Variants in OPCML observed in about 807,000 individuals in gnomAD.
OPCML encodes opioid binding protein/cell adhesion molecule like.
A neutral mutation model predicts 37.8 loss-of-function variants in OPCML; 13 were observed. That is an observed-to-expected ratio of 0.34 (90% CI 0.22 to 0.55). OPCML has a LOEUF of 0.55. OPCML is among the 20% of genes least tolerant of loss of function. The probability of loss-of-function intolerance (pLI) is 0.91; values close to 1 mark genes in which losing one functional copy is unlikely to be tolerated. For missense variants in OPCML, 341 were observed against 435.6 expected, an observed-to-expected ratio of 0.78 and a Z score of 1.93; for synonymous variants, 176 against 168.8, an observed-to-expected ratio of 1.04 and a Z score of -0.33.
At chr11:132,949,939 CA>C (rs953879624) in intron 1 of OPCML, among the ~76,000 whole-genome samples, 25 of 151,936 alleles carry the variant, frequency 1.6e-4, no homozygotes, top group African/African-American at 6.0e-4. Flanking sequence ...ATCAAATAGC[CA>C]GGGGAAGCCT....
rs61910358 is a variant in OPCML at position 133,206,875 on chromosome 11, C to T, written c.62-263865G>A. The stretch of plus-strand genomic sequence containing the variant: ...ACGGTGACCTATTCATGTCTTAGGA[C>T]GGGTAGGTGGAGGGAGCCTGGGATC... On this transcript the variant is annotated intron_variant, in intron 1 of 7. Transcript: ENST00000524381. This position sits in a 1 kb window ranked among gnomAD's most constrained non-coding sequence, Gnocchi z 4.7. Among the ~76,000 whole-genome samples, 15,695 of 152,148 alleles carry T rather than the reference C, an allele frequency of 0.1. 855 individuals carry two copies. Among genetic ancestry groups the T allele is most frequent in the African/African-American group, 0.12 (4,974 of 41,520 alleles).
intron 3 of OPCML, among the ~76,000 whole-genome samples, chr11:132,537,655 A>T (rs1184261687): frequency 6.6e-6 from 1 of 152,216 alleles, no homozygotes; most frequent in Non-Finnish European, 1.5e-5. Context: ...CCACAAAATA[A>T]GACAAAGTAT....
intron 1 of OPCML, among the ~76,000 whole-genome samples, chr11:133,348,484 C>T (rs992186167): frequency 2.0e-5 from 3 of 152,134 alleles, no homozygotes; most frequent in Non-Finnish European, 4.4e-5. Flanking sequence ...AAGGCTTACT[C>T]GGGTGCTGCC....
In OPCML at chr11:133,084,108, T is replaced by C. The variant is rs889652449; in HGVS notation, c.62-141098A>G. On this transcript the variant is annotated intron_variant, in intron 1 of 7. Transcript: ENST00000524381. Reference sequence around the variant, plus strand: ...GGCAAGCGGAGACTGTATTGTGCATTGTACCTACCCACAGAAAAGATCTGT... The same window carrying C: ...GGCAAGCGGAGACTGTATTGTGCATCGTACCTACCCACAGAAAAGATCTGT... 3.9e-5 allele frequency among the ~76,000 whole-genome samples: 6 copies of C among 152,146 alleles called. No homozygotes were observed. The East Asian group carries it at 1.2e-3, about 29-fold the overall frequency.
At chr11:133,292,213 A>G (rs563079594) in intron 1 of OPCML, among the ~76,000 whole-genome samples, 1 of 152,236 alleles carries the variant, frequency 6.6e-6, no homozygotes, top group East Asian at 1.9e-4. Context: ...AGTCTAAATC[A>G]AAAGGGAGGG....
chr11:132,554,246 A>G (rs559882699), intron 3 of OPCML, among the ~76,000 whole-genome samples: 39 of 152,202 alleles, frequency 2.6e-4, no homozygotes, highest in Non-Finnish European at 2.8e-4. Context: ...CTGTGTTTAT[A>G]AAGTTTATCT....
chr11:133,182,146 G>A (rs1250285153), intron 1 of OPCML, among the ~76,000 whole-genome samples: 2 of 152,160 alleles, frequency 1.3e-5, no homozygotes, highest in African/African-American at 4.8e-5. Context: ...GCCCTCAGCT[G>A]ACTGCCCATC....
At chr11:133,418,393 G>C in intron 1 of OPCML, 2 of 985,104 alleles carry the variant, frequency 2.0e-6, no homozygotes, top group Non-Finnish European at 1.2e-6. Flanking sequence ...CACCTAAATA[G>C]ATTGGTGATT....
At chr11:132,999,804 T>C (rs1473487917) in intron 1 of OPCML, among the ~76,000 whole-genome samples, 2 of 152,082 alleles carry the variant, frequency 1.3e-5, no homozygotes, top group Non-Finnish European at 2.9e-5. Flanking sequence ...GGTGGTTCTG[T>C]TGGCAACGTT....
intron 3 of OPCML, among the ~76,000 whole-genome samples, chr11:132,618,951 GCATA>G (rs1565716463): frequency 1.9e-5 from 2 of 103,564 alleles, no homozygotes; most frequent in Non-Finnish European, 4.0e-5. Flanking sequence ...ACAAGCACAC[GCATA>G]CACACACACA....
At chr11:133,382,204 T>C (rs1156511766) in intron 1 of OPCML, among the ~76,000 whole-genome samples, 2 of 152,232 alleles carry the variant, frequency 1.3e-5, no homozygotes, top group Non-Finnish European at 2.9e-5. Context: ...ATTAGCATAA[T>C]GCTCATTAAT....
chr11:133,453,061 A>G (rs1031644597), intron 1 of OPCML, among the ~76,000 whole-genome samples: 3 of 152,208 alleles, frequency 2.0e-5, no homozygotes, highest in Non-Finnish European at 4.4e-5. Flanking sequence ...TCAGAGACAC[A>G]TCGAACTGGA....
chr11:132,978,320 G>A (rs1946508588), intron 1 of OPCML, among the ~76,000 whole-genome samples: 1 of 152,162 alleles, frequency 6.6e-6, no homozygotes. Flanking sequence ...AGAAAGGAAT[G>A]GTGTGATCAG....
At chr11:133,293,382 C>T (rs556796948) in intron 1 of OPCML, among the ~76,000 whole-genome samples, 2 of 152,204 alleles carry the variant, frequency 1.3e-5, no homozygotes, top group South Asian at 2.1e-4. Context: ...AGTACATTGA[C>T]GGCGAAGTCC....
intron 2 of OPCML, among the ~76,000 whole-genome samples, chr11:132,671,677 C>T (rs1942482139): frequency 6.6e-6 from 1 of 152,252 alleles, no homozygotes; most frequent in African/African-American, 2.4e-5. Context: ...TTGTGGGACT[C>T]TCTGTAGAGG....
At chr11:133,414,130 A>G (rs1945710144) in intron 1 of OPCML, among the ~76,000 whole-genome samples, 1 of 151,924 alleles carries the variant, frequency 6.6e-6, no homozygotes, top group African/African-American at 2.4e-5. Context: ...TATATAAAGC[A>G]CTCTGGTCCT....
intron 1 of OPCML, among the ~76,000 whole-genome samples, chr11:133,042,009 C>T (rs778634645): frequency 1.3e-5 from 2 of 152,170 alleles, no homozygotes; most frequent in East Asian, 1.9e-4. Context: ...TCCCCCTCAT[C>T]GAATGCATCA....
At chr11:132,593,079 A>G (rs73041753) in intron 3 of OPCML, among the ~76,000 whole-genome samples, 2,861 of 152,322 alleles carry the variant, frequency 0.019, 56 homozygotes, top group Non-Finnish European at 0.022. Flanking sequence ...GTAAAAGACT[A>G]TAAAGGAGTA....
At chr11:133,239,499 G>T (rs1435696732) in intron 1 of OPCML, among the ~76,000 whole-genome samples, 1 of 152,226 alleles carries the variant, frequency 6.6e-6, no homozygotes, top group Non-Finnish European at 1.5e-5. Context: ...TGTGCTCCCT[G>T]CAGCCAGGGC....
Sources: allele counts gnomAD v4.1 joint callset (sites outside exome capture counted in the v4.1 genomes callset), GRCh38; gene constraint gnomAD v4.1.1; non-coding constraint Gnocchi (gnomAD v3.1); transcripts MANE v1.5; gene names NCBI Gene and HGNC (gene_info 2026-07-23, HGNC 2026-07-21).